The following GLRA3 variants were observed in gnomAD, a reference collection of about 807,000 sequenced individuals.
GLRA3 encodes the protein glycine receptor subunit alpha-3.
GLRA3 carries 44 observed loss-of-function variants against 60.4 expected under a neutral mutation model. The observed-to-expected ratio is 0.73, with a 90% CI of 0.57 to 0.94. The LOEUF is 0.94. GLRA3 is among the 40% of genes least tolerant of loss of function. The pLI is 0.00. For synonymous variants in GLRA3, 223 were observed against 192.9 expected, an observed-to-expected ratio of 1.16 and a Z score of -1.29; for missense variants, 508 against 564.6, an observed-to-expected ratio of 0.90 and a Z score of 1.02.
intron 3 of GLRA3, among the ~76,000 whole-genome samples, chr4:174,754,635 A>G (rs1405382682): frequency 2.0e-5 from 3 of 152,174 alleles, no homozygotes; most frequent in Non-Finnish European, 4.4e-5. Flanking sequence ...TACCTTTGTA[A>G]GAATTTAACC....
intron 2 of GLRA3, among the ~76,000 whole-genome samples, chr4:174,784,383 G>C (rs1739031801): frequency 6.9e-6 from 1 of 144,676 alleles, no homozygotes; most frequent in African/African-American, 2.6e-5. Context: ...CGAGTTAGTG[G>C]GTGCAGCACA....
At chr4:174,748,634 T>C (rs1045329189) in intron 3 of GLRA3, among the ~76,000 whole-genome samples, 3 of 152,172 alleles carry the variant, frequency 2.0e-5, no homozygotes, top group African/African-American at 7.2e-5. Flanking sequence ...TATGCCTCAA[T>C]GTATCAGCAG....
rs35058834 is a variant in GLRA3 at position 174,725,005 on chromosome 4, G to T, written c.491+3470C>A. On this transcript the variant is annotated intron_variant, in intron 4 of 9. Coordinates refer to ENST00000274093, the MANE Select transcript of GLRA3 (RefSeq NM_006529.4). ...ATATGGACATCTTTGGATTTATCTTGTTTGGGAACTCAACTTCTTGAATCT... is the reference window on the plus strand; with the variant it reads ...ATATGGACATCTTTGGATTTATCTTTTTTGGGAACTCAACTTCTTGAATCT... Among the ~76,000 whole-genome samples, 378 of 152,306 alleles carry T rather than the reference G, an allele frequency of 2.5e-3. 3 individuals are homozygous for T. The highest frequency in any genetic ancestry group is 3.9e-3 in the Non-Finnish European group (268 of 68,022).
chr4:174,714,704 G>A (rs1299902058), intron 5 of GLRA3, among the ~76,000 whole-genome samples: 1 of 151,772 alleles, frequency 6.6e-6, no homozygotes, highest in African/African-American at 2.4e-5. Flanking sequence ...ATTCCCCCTC[G>A]GATAACATAC....
chr4:174,738,080 ATTGATT>A (rs1458983047), intron 3 of GLRA3, among the ~76,000 whole-genome samples: 1 of 152,172 alleles, frequency 6.6e-6, no homozygotes, highest in Non-Finnish European at 1.5e-5. Flanking sequence ...ATAGTTGTTT[ATTGATT>A]TGGAGATTGG....
chr4:174,677,491 C>T (rs1734180180), intron 6 of GLRA3, among the ~76,000 whole-genome samples, 199 bp from the exon 7 acceptor site: 1 of 151,498 alleles, frequency 6.6e-6, no homozygotes, highest in Admixed American at 6.6e-5. Context: ...TCCCAAGTAG[C>T]TGGGATTACA....
intron 3 of GLRA3, among the ~76,000 whole-genome samples, chr4:174,741,033 T>TATTATCC (rs1561089043): frequency 6.6e-6 from 1 of 152,236 alleles, no homozygotes; most frequent in African/African-American, 2.4e-5. Context: ...AATGCTGATG[T>TATTATCC]ATACACTTGT....
At chr4:174,806,738 T>G (rs1318602509) in intron 1 of GLRA3, among the ~76,000 whole-genome samples, 4 of 152,054 alleles carry the variant, frequency 2.6e-5, no homozygotes, top group African/African-American at 9.7e-5. Flanking sequence ...TCAGTGAATT[T>G]TGGTATCCTC....
intron 5 of GLRA3, among the ~76,000 whole-genome samples, chr4:174,702,628 C>T (rs577195735): frequency 8.5e-5 from 13 of 152,202 alleles, no homozygotes; most frequent in Middle Eastern, 3.4e-3. Flanking sequence ...GGTGCAGTGC[C>T]GTGATCATAG....
chr4:174,732,777 C>A (rs74972322), intron 3 of GLRA3, among the ~76,000 whole-genome samples: 26,362 of 149,602 alleles, frequency 0.18, 2,555 homozygotes, highest in East Asian at 0.43. Flanking sequence ...CTCTCTCTCT[C>A]TATATATATA....
chr4:174,792,110 G>A (rs918278683), intron 1 of GLRA3, among the ~76,000 whole-genome samples: 8 of 152,304 alleles, frequency 5.3e-5, no homozygotes, highest in Admixed American at 3.3e-4. Context: ...AGGCCTAAAA[G>A]TCAGCCAGAG....
chr4:174,708,059 CTG>C (rs1735579096), intron 5 of GLRA3, among the ~76,000 whole-genome samples: 1 of 152,152 alleles, frequency 6.6e-6, no homozygotes, highest in African/African-American at 2.4e-5. Context: ...CTAGCTAACA[CTG>C]TAACTGCAGA....
chr4:174,715,106 G>A (rs1003403417), intron 5 of GLRA3, among the ~76,000 whole-genome samples: 1 of 152,152 alleles, frequency 6.6e-6, no homozygotes, highest in Non-Finnish European at 1.5e-5. Context: ...TGAAAACGTA[G>A]GGATAACAAT....
rs1184281780 is a variant in GLRA3 at position 174,643,955 on chromosome 4, A to T, written c.1226T>A (p.Val409Glu). ...CATTTCATCAGGACTTTTTGGCATT[A>T]CCTGGACAGGGTGGTTGGGGCCCTT... Reference protein sequence around the residue: ...TPKGPNHPVQVMPKSPDEMRK... With the variant: ...TPKGPNHPVQEMPKSPDEMRK... Residue 409 changes from valine to glutamate, a missense_variant, in exon 10 of 10, where the codon GTA (valine) becomes GAA (glutamate). Around this residue, in one of 3 missense-constraint regions of GLRA3, gnomAD observed 176 missense variants for 197.9 expected, o/e 0.89. Transcript: ENST00000274093. 6.2e-7 allele frequency: 1 copy of T among 1,613,822 alleles called. No individual in the cohort carries two copies. The highest frequency in any genetic ancestry group is 8.5e-7 in the Non-Finnish European group (1 of 1,179,914).
At position 174,677,106 on chromosome 4, in the gene GLRA3, C is replaced by T. The variant is rs773481118; in HGVS notation, c.899G>A (p.Ser300Asn). ...ITTVLTMTTQ[S>N]SGSRASLPKV... is the part of the protein sequence containing the mutation. ...TGGCAAGGAAGCTCGTGATCCTGAA[C>T]TCTGTGTAGTCATCGTTAGCACAGT... The change falls in exon 7 of 10, where the codon AGT (serine) becomes AAT (asparagine). Residue 300 changes from serine (S) to asparagine (N), a missense_variant. Ser to Asn is a conservative substitution (Grantham distance 46). This residue lies in a region of GLRA3 where 176 missense variants were observed against 197.9 expected (regional missense o/e 0.89). Coordinates refer to ENST00000274093, the MANE Select transcript of GLRA3 (RefSeq NM_006529.4). The T allele has an allele frequency of 6.2e-7, 1 of 1,612,484 alleles. No homozygotes were observed. Among genetic ancestry groups the T allele is most frequent in the Middle Eastern group, 1.7e-4 (1 of 6,056 alleles).
chr4:174,747,206 GA>G (rs1737291381), intron 3 of GLRA3, among the ~76,000 whole-genome samples: 1 of 152,138 alleles, frequency 6.6e-6, no homozygotes, highest in Non-Finnish European at 1.5e-5. Flanking sequence ...GAATATCAAA[GA>G]GTTAGACAAC....
intron 4 of GLRA3, among the ~76,000 whole-genome samples, chr4:174,723,417 A>G (rs1326691623): frequency 6.6e-6 from 1 of 152,106 alleles, no homozygotes; most frequent in Non-Finnish European, 1.5e-5. Context: ...ATTTTGTTCA[A>G]TGATCAGGGA....
chr4:174,638,086 G>A lies in GLRA3; in HGVS notation c.*5700C>T, dbSNP rs2110818913. 6.6e-6 allele frequency: 1 copy of A among 151,716 alleles called. No individual in the cohort carries two copies. 9.4% of individuals were successfully genotyped at this position (151,716 alleles called of 1,614,324 possible). ...GGAATAAACTTACTTGGTATTTTAG[G>A]AAGTAAAAGTCATTTCTTGATGAAG... On this transcript the variant is annotated 3_prime_UTR_variant, in exon 10 of 10. Transcript: ENST00000274093.
chr4:174,741,089 ATATC>A (rs534292408), intron 3 of GLRA3, among the ~76,000 whole-genome samples: 31 of 152,306 alleles, frequency 2.0e-4, no homozygotes, highest in South Asian at 8.3e-4. Context: ...TCGTAAGTAA[ATATC>A]TACGAGTGAG....
Sources: gnomAD v4.1 joint callset for allele counts (sites outside exome capture counted in the v4.1 genomes callset) on GRCh38, gnomAD v4.1.1 for gene constraint, gnomAD v4.1.1 regional missense constraint, MANE v1.5 for transcripts, NCBI Gene and HGNC (gene_info 2026-07-23, HGNC 2026-07-21) for gene names.